Variants in MGAT4C observed in about 807,000 individuals in gnomAD.
MGAT4C encodes the protein alpha-1,3-mannosyl-glycoprotein 4-beta-N-acetylglucosaminyltransferase C.
In MGAT4C, 19 loss-of-function variants were observed where a neutral mutation model predicts 40.1. The observed-to-expected ratio is 0.47, with a 90% CI of 0.33 to 0.70. MGAT4C has a LOEUF of 0.70. MGAT4C is among the 30% of genes least tolerant of loss of function. The pLI is 0.02. For missense variants in MGAT4C, 491 were observed against 563.2 expected (o/e 0.87, Z 1.30); for synonymous variants, 181 against 187.1 (o/e 0.97, Z 0.27).
chr12:86,707,313 C>T (rs1212214776), intron 2 of MGAT4C, among the ~76,000 whole-genome samples: 2 of 152,084 alleles, frequency 1.3e-5, no homozygotes, highest in Non-Finnish European at 2.9e-5. Context: ...TGTTGAATGG[C>T]TTTGCCCAAA....
intron 2 of MGAT4C, among the ~76,000 whole-genome samples, chr12:86,442,427 T>C (rs1957249474): frequency 6.6e-6 from 1 of 152,232 alleles, no homozygotes; most frequent in African/African-American, 2.4e-5. Context: ...CTCATGCCTA[T>C]GTCCTGAATG....
intron 2 of MGAT4C, among the ~76,000 whole-genome samples, chr12:86,651,189 A>G (rs1236247789): frequency 3.3e-5 from 5 of 151,912 alleles, no homozygotes; most frequent in Non-Finnish European, 7.4e-5. Flanking sequence ...GTTCTAATCC[A>G]TTTATACTAC....
chr12:86,430,391 G>A (rs992561935), intron 3 of MGAT4C, among the ~76,000 whole-genome samples: 1 of 122,034 alleles, frequency 8.2e-6, no homozygotes, highest in African/African-American at 2.7e-5. Context: ...TGGCCTTTAC[G>A]GTGTTCTCTG....
At chr12:86,514,946 G>T (rs939326614) in intron 2 of MGAT4C, among the ~76,000 whole-genome samples, 5 of 152,084 alleles carry the variant, frequency 3.3e-5, no homozygotes, top group African/African-American at 9.7e-5. Flanking sequence ...AAATTATTTT[G>T]CAAATATGAA....
intron 1 of MGAT4C, among the ~76,000 whole-genome samples, chr12:86,157,915 A>C (rs1290021475): frequency 6.6e-6 from 1 of 152,176 alleles, no homozygotes; most frequent in African/African-American, 2.4e-5. Flanking sequence ...CACAGAGCCA[A>C]CCATATCACC....
intron 2 of MGAT4C, among the ~76,000 whole-genome samples, chr12:86,489,506 T>C (rs897943064): frequency 1.1e-4 from 16 of 152,332 alleles, no homozygotes; most frequent in African/African-American, 2.9e-4. Flanking sequence ...AAAGGGCCTA[T>C]TGAGCTGATA....
At chr12:86,094,768 G>A (rs575779341) in intron 1 of MGAT4C, among the ~76,000 whole-genome samples, 5 of 152,018 alleles carry the variant, frequency 3.3e-5, no homozygotes, top group African/African-American at 1.2e-4. Context: ...ATCATCTTAT[G>A]CCCTTTGCCC....
In MGAT4C at chr12:85,965,544, C is replaced by A. The variant is rs1045773743; in HGVS notation, c.*13745G>T. The A allele has an allele frequency of 1.5e-5, 2 of 129,368 alleles. No homozygotes were observed. The highest frequency in any genetic ancestry group is 5.9e-5 in the African/African-American group (2 of 33,700). 8.0% of individuals were successfully genotyped at this position (129,368 alleles called of 1,614,324 possible). ...CCCAGGAGGTGGAACTTGCAGTGAGCGGAGATAGTGCCACTGCAGTCCGGC... is the reference window on the plus strand; with the variant it reads ...CCCAGGAGGTGGAACTTGCAGTGAGAGGAGATAGTGCCACTGCAGTCCGGC... On this transcript the variant is annotated 3_prime_UTR_variant, in exon 5 of 5. Transcript: ENST00000611864.
intron 1 of MGAT4C, among the ~76,000 whole-genome samples, chr12:86,061,565 A>C (rs1241465500): frequency 6.6e-6 from 1 of 151,964 alleles, no homozygotes; most frequent in Non-Finnish European, 1.5e-5. Context: ...TCAGGGAGCC[A>C]AGTGGACTGG....
At chr12:86,002,856 A>G (rs1414410023) in intron 2 of MGAT4C, among the ~76,000 whole-genome samples, 1 of 152,068 alleles carries the variant, frequency 6.6e-6, no homozygotes, top group African/African-American at 2.4e-5. Flanking sequence ...GCTGGAGTGC[A>G]GTGGTGCAAT....
chr12:86,686,804 G>A (rs985497405), intron 2 of MGAT4C, among the ~76,000 whole-genome samples: 1 of 152,080 alleles, frequency 6.6e-6, no homozygotes, highest in African/African-American at 2.4e-5. Flanking sequence ...TTCTCTTTTT[G>A]TTATGTCTCT....
chr12:86,597,293 A>G (rs1014467536), intron 2 of MGAT4C, among the ~76,000 whole-genome samples: 5 of 152,182 alleles, frequency 3.3e-5, no homozygotes, highest in African/African-American at 9.7e-5. Flanking sequence ...TCTTCACCCA[A>G]TTCCCACCAT....
At chr12:86,339,251 GCAAAAAGTGC>G (rs954362029) in intron 3 of MGAT4C, among the ~76,000 whole-genome samples, 6 of 152,068 alleles carry the variant, frequency 3.9e-5, no homozygotes, top group African/African-American at 1.4e-4. Context: ...TAGCCCCTAT[GCAAAAAGTGC>G]CAGAAATAGA....
At chr12:86,672,998 T>G (rs1964299315) in intron 2 of MGAT4C, among the ~76,000 whole-genome samples, 1 of 152,170 alleles carries the variant, frequency 6.6e-6, no homozygotes, top group Non-Finnish European at 1.5e-5. Flanking sequence ...TTTTCTTATC[T>G]AAAAGACACA....
intron 1 of MGAT4C, among the ~76,000 whole-genome samples, chr12:86,129,495 A>C (rs1880845097): frequency 6.7e-6 from 1 of 148,838 alleles, no homozygotes; most frequent in Admixed American, 6.7e-5. Context: ...TCTCTTCCTC[A>C]CGGGGAACTG....
At position 86,435,406 on chromosome 12, in the gene MGAT4C, A is replaced by G. The variant is rs368779360; in HGVS notation, c.-228-141T>C. 5.9e-5 allele frequency: 9 copies of G among 152,000 alleles called. No individual in the cohort carries two copies. In the East Asian group the frequency reaches 9.7e-4, roughly 16 times the overall value. 9.4% of individuals were successfully genotyped at this position (152,000 alleles called of 1,614,324 possible). A position where few individuals can be genotyped will look rare whatever the true frequency, so the allele number is the denominator to read the frequency against. On this transcript the variant is annotated intron_variant, in intron 2 of 7. Coordinates refer to the MGAT4C transcript ENST00000548651. ...CCCATTACATTTCTACTTTCAATAC[A>G]AGCTGTTTGGTTTCTCTGTTCAATA... is the stretch of plus-strand genomic sequence containing the variant.
intron 1 of MGAT4C, among the ~76,000 whole-genome samples, chr12:86,818,024 G>A (rs1461384918): frequency 6.6e-6 from 1 of 151,280 alleles, no homozygotes; most frequent in Non-Finnish European, 1.5e-5. Context: ...CTTGCACAAG[G>A]TGAGAAATGA....
chr12:86,475,019 A>G (rs948323555), intron 2 of MGAT4C, among the ~76,000 whole-genome samples: 2 of 152,172 alleles, frequency 1.3e-5, no homozygotes, highest in Non-Finnish European at 2.9e-5. Context: ...TTAACTGAAT[A>G]TATGTTAATA....
At chr12:86,111,494 A>G (rs1226368724) in intron 1 of MGAT4C, among the ~76,000 whole-genome samples, 1 of 151,828 alleles carries the variant, frequency 6.6e-6, no homozygotes, top group East Asian at 1.9e-4. Context: ...CAGAGAGATG[A>G]CAAATATGCC....
Sources: gnomAD v4.1 joint callset for allele counts (sites outside exome capture counted in the v4.1 genomes callset) on GRCh38, gnomAD v4.1.1 for gene constraint, MANE v1.5 for transcripts, NCBI Gene and HGNC (gene_info 2026-07-23, HGNC 2026-07-21) for gene names.